Variants in SUMF1 observed in about 807,000 individuals in gnomAD.
SUMF1 encodes the protein sulfatase modifying factor 1.
In SUMF1, 48 loss-of-function variants were observed where a neutral mutation model predicts 47.6. The ratio of observed to expected loss-of-function variants is 1.01; its 90% confidence interval spans 0.80 to 1.28. The LOEUF (loss-of-function observed/expected upper bound fraction) is 1.28, where lower values mean the gene tolerates loss of function less well. Among genes scored for constraint, SUMF1 ranks in the 50% most tolerant of loss-of-function variants. SUMF1 has a pLI of 0.00. For missense variants in SUMF1, 571 were observed against 485.4 expected, an observed-to-expected ratio of 1.18 and a Z score of -1.66; for synonymous variants, 230 against 192.1, an observed-to-expected ratio of 1.20 and a Z score of -1.63.
chr3:4,037,530 G>A (rs1313781714), intron 9 of SUMF1, among the ~76,000 whole-genome samples: 5 of 152,122 alleles, frequency 3.3e-5, no homozygotes, highest in Admixed American at 3.3e-4. Context: ...TTTTATACTG[G>A]CATTTTCATC....
intron 8 of SUMF1, among the ~76,000 whole-genome samples, chr3:4,245,911 C>T (rs1696657475): frequency 6.6e-6 from 1 of 152,214 alleles, no homozygotes; most frequent in South Asian, 2.1e-4. Context: ...GTTCGAGCTT[C>T]CCTGCCACTT....
intron 8 of SUMF1, among the ~76,000 whole-genome samples, chr3:4,279,736 C>T (rs1347894257): frequency 6.6e-6 from 1 of 152,062 alleles, no homozygotes; most frequent in Non-Finnish European, 1.5e-5. Context: ...GCCACCTCAG[C>T]AGGCTGGAAG....
At chr3:4,193,870 G>C (rs1385999732) in intron 8 of SUMF1, among the ~76,000 whole-genome samples, 1 of 152,004 alleles carries the variant, frequency 6.6e-6, no homozygotes, top group Admixed American at 6.6e-5. Flanking sequence ...ATGAAATTAA[G>C]AATTAGCCAA....
intron 1 of SUMF1, among the ~76,000 whole-genome samples, chr3:4,456,694 A>ATG (rs1559312198): frequency 9.3e-6 from 1 of 107,642 alleles, no homozygotes; most frequent in African/African-American, 3.4e-5. Flanking sequence ...ATATGTGTGT[A>ATG]TATATATATA....
At chr3:4,312,746 T>G in intron 8 of SUMF1, 2 of 870,960 alleles carry the variant, frequency 2.3e-6, no homozygotes, top group Non-Finnish European at 3.3e-6. Context: ...GAGAGATGTT[T>G]TTGGACAATA....
chr3:4,133,524 G>A (rs555797153), intron 8 of SUMF1, among the ~76,000 whole-genome samples: 2 of 152,222 alleles, frequency 1.3e-5, no homozygotes, highest in Non-Finnish European at 2.9e-5. Flanking sequence ...TTGAGTCAGT[G>A]TGCTGCAAAA....
At chr3:4,051,335 C>G (rs1695107475) in intron 9 of SUMF1, among the ~76,000 whole-genome samples, 1 of 152,204 alleles carries the variant, frequency 6.6e-6, no homozygotes, top group South Asian at 2.1e-4. Context: ...GTTGTACATT[C>G]CTACGTTCTT....
chr3:4,120,631 C>A (rs1693519668), intron 8 of SUMF1, among the ~76,000 whole-genome samples: 1 of 152,064 alleles, frequency 6.6e-6, no homozygotes, highest in African/African-American at 2.4e-5. Flanking sequence ...CCTCTCTCAC[C>A]ACAGATATCA....
chr3:4,223,520 C>T (rs961189284), intron 8 of SUMF1, among the ~76,000 whole-genome samples: 4 of 152,070 alleles, frequency 2.6e-5, no homozygotes, highest in Admixed American at 6.6e-5. Context: ...ATACTGTTAT[C>T]GCTACCACTA....
chr3:4,394,347 G>A (rs1057381095), intron 7 of SUMF1, among the ~76,000 whole-genome samples: 2 of 151,994 alleles, frequency 1.3e-5, no homozygotes, highest in African/African-American at 2.4e-5. Context: ...GGGTAAAGAC[G>A]GTGTTTCACT....
intron 8 of SUMF1, among the ~76,000 whole-genome samples, chr3:4,328,574 T>G (rs1698991277): frequency 6.6e-6 from 1 of 152,240 alleles, no homozygotes; most frequent in East Asian, 1.9e-4. Context: ...GAGAACAGTA[T>G]GGGGGAAACT....
intron 8 of SUMF1, among the ~76,000 whole-genome samples, chr3:4,306,376 A>G (rs922163947): frequency 6.6e-6 from 1 of 152,158 alleles, no homozygotes; most frequent in Non-Finnish European, 1.5e-5. Context: ...CAAAGTGTAT[A>G]TTAAAATAAA....
intron 8 of SUMF1, among the ~76,000 whole-genome samples, chr3:4,124,753 C>G (rs758330813): frequency 7.2e-5 from 11 of 151,884 alleles, no homozygotes; most frequent in Non-Finnish European, 1.2e-4. Context: ...CAATACCTAC[C>G]TACAAAGAAT....
intron 8 of SUMF1, among the ~76,000 whole-genome samples, chr3:4,292,566 C>A (rs1697761138): frequency 6.6e-6 from 1 of 152,202 alleles, no homozygotes; most frequent in African/African-American, 2.4e-5. Context: ...CTTTTACCCA[C>A]CAGCTGTCAC....
At chr3:4,041,222 C>T (rs112347707) in intron 9 of SUMF1, among the ~76,000 whole-genome samples, 2,944 of 152,250 alleles carry the variant, frequency 0.019, 85 homozygotes, top group African/African-American at 0.062. Flanking sequence ...CAGGCACACA[C>T]CACCATGCCC....
chr3:4,116,470 G>A (rs1325709672), intron 8 of SUMF1, among the ~76,000 whole-genome samples: 2 of 152,098 alleles, frequency 1.3e-5, no homozygotes, highest in African/African-American at 2.4e-5. Context: ...GAGGTGTGAA[G>A]AAGCTTTTGG....
intron 8 of SUMF1, among the ~76,000 whole-genome samples, chr3:4,266,233 G>T (rs1385237111): frequency 2.0e-5 from 3 of 152,178 alleles, no homozygotes; most frequent in Non-Finnish European, 4.4e-5. Flanking sequence ...GGTTCCGTAT[G>T]AACTTTAAAG....
chr3:4,335,249 A>T (rs902629759), intron 8 of SUMF1, among the ~76,000 whole-genome samples: 4 of 152,172 alleles, frequency 2.6e-5, no homozygotes, highest in African/African-American at 9.7e-5. Context: ...ATGACTTCTC[A>T]TCACTCTCAG....
chr3:4,103,086 C>T (rs1693074092), intron 8 of SUMF1, among the ~76,000 whole-genome samples: 1 of 151,640 alleles, frequency 6.6e-6, no homozygotes, highest in East Asian at 1.9e-4. Flanking sequence ...CCACATCTGG[C>T]TAATTTTTGT....
Sources: allele counts gnomAD v4.1 joint callset (sites outside exome capture counted in the v4.1 genomes callset), GRCh38; gene constraint gnomAD v4.1.1; transcripts MANE v1.5; gene names NCBI Gene and HGNC (gene_info 2026-07-23, HGNC 2026-07-21).